The following SUPT3H variants were observed in gnomAD, a reference collection of about 807,000 sequenced individuals.
The protein encoded by SUPT3H is transcription initiation protein SPT3 homolog.
A neutral mutation model predicts 44.3 loss-of-function variants in SUPT3H; 44 were observed. The ratio of observed to expected loss-of-function variants is 0.99; its 90% confidence interval spans 0.78 to 1.28. SUPT3H has a LOEUF of 1.28. Among genes scored for constraint, SUPT3H ranks in the 50% most tolerant of loss-of-function variants. The pLI, the probability that SUPT3H is intolerant of heterozygous loss-of-function variation, is 0.00. For missense variants in SUPT3H, 380 were observed against 387.1 expected (o/e 0.98, Z 0.15); for synonymous variants, 124 against 125.6 (o/e 0.99, Z 0.09).
intron 2 of SUPT3H, among the ~76,000 whole-genome samples, chr6:45,346,567 C>CTTTTTTT (rs71745024): frequency 5.7e-5 from 8 of 140,426 alleles, no homozygotes; most frequent in Non-Finnish European, 9.2e-5. Flanking sequence ...ATAAACATTT[C>CTTTTTTT]TTTTTTTTTT....
chr6:45,199,109 A>G (rs1461017405), intron 2 of SUPT3H, among the ~76,000 whole-genome samples: 1 of 151,308 alleles, frequency 6.6e-6, no homozygotes, highest in African/African-American at 2.4e-5. Flanking sequence ...AATGCATACA[A>G]TTTTATATTT....
chr6:45,348,933 A>T (rs1791478080), intron 2 of SUPT3H, among the ~76,000 whole-genome samples: 1 of 152,106 alleles, frequency 6.6e-6, no homozygotes, highest in East Asian at 1.9e-4. Context: ...CCTTATCACA[A>T]TTTATAATTA....
chr6:45,261,165 T>C (rs1445598628), intron 2 of SUPT3H, among the ~76,000 whole-genome samples: 2 of 152,040 alleles, frequency 1.3e-5, no homozygotes, highest in Non-Finnish European at 2.9e-5. Context: ...CCAATCCTAG[T>C]GAAATTATTC....
chr6:45,112,768 A>G (rs918982496), intron 2 of SUPT3H, among the ~76,000 whole-genome samples: 165 of 152,328 alleles, frequency 1.1e-3, no homozygotes, highest in Non-Finnish European at 1.6e-4. Context: ...CAAGGCCTAC[A>G]AGCAGATCTA....
At chr6:45,178,782 C>T (rs1812526008) in intron 2 of SUPT3H, among the ~76,000 whole-genome samples, 1 of 152,120 alleles carries the variant, frequency 6.6e-6, no homozygotes, top group African/African-American at 2.4e-5. Context: ...CGCTCAAGTA[C>T]ATGGAAACTG....
intron 8 of SUPT3H, 113 bp from the exon 9 acceptor site, chr6:44,953,530 A>G: frequency 1.3e-6 from 1 of 780,142 alleles, no homozygotes; most frequent in African/African-American, 1.7e-5. Context: ...CTGCTTGCCT[A>G]AAAATCTATA....
intron 6 of SUPT3H, among the ~76,000 whole-genome samples, chr6:44,964,703 A>C (rs533891874): frequency 6.6e-6 from 1 of 152,250 alleles, no homozygotes; most frequent in East Asian, 1.9e-4. Flanking sequence ...GTAAACTTTG[A>C]TCTGAGGAGC....
intron 3 of SUPT3H, among the ~76,000 whole-genome samples, chr6:45,061,359 A>T (rs1035926782): frequency 1.3e-5 from 2 of 152,116 alleles, no homozygotes; most frequent in Admixed American, 1.3e-4. Context: ...GCTAACCAAA[A>T]ACTGCATGTT....
intron 10 of SUPT3H, among the ~76,000 whole-genome samples, chr6:44,905,196 T>C (rs1445824976): frequency 6.6e-6 from 1 of 152,072 alleles, no homozygotes; most frequent in African/African-American, 2.4e-5. Flanking sequence ...AAAGAGCTTC[T>C]GCACAGCAAA....
At chr6:45,200,646 C>G (rs2153625612) in intron 2 of SUPT3H, among the ~76,000 whole-genome samples, 1 of 151,456 alleles carries the variant, frequency 6.6e-6, no homozygotes, top group African/African-American at 2.4e-5. Context: ...AAAAATGAAG[C>G]TCATAGGGGT....
chr6:44,814,371 A>G (rs482878), intron 11 of SUPT3H, among the ~76,000 whole-genome samples: 1 of 152,192 alleles, frequency 6.6e-6, no homozygotes, highest in South Asian at 2.1e-4. Context: ...CAGGGTGCCC[A>G]GCAGAGGAGC....
At chr6:44,831,120 C>G (rs972946482) in intron 10 of SUPT3H, among the ~76,000 whole-genome samples, 2 of 152,018 alleles carry the variant, frequency 1.3e-5, no homozygotes, top group Non-Finnish European at 1.5e-5. Flanking sequence ...ACCTTCTCTC[C>G]AAATATCCTG....
chr6:45,252,883 G>A (rs1315243644), intron 2 of SUPT3H, among the ~76,000 whole-genome samples: 1 of 151,996 alleles, frequency 6.6e-6, no homozygotes, highest in African/African-American at 2.4e-5. Context: ...GCATTCCTAT[G>A]GATTATTCCT....
chr6:45,053,740 C>CAAAAAAAAAAAAA (rs57736879), intron 3 of SUPT3H, among the ~76,000 whole-genome samples: 1 of 59,444 alleles, frequency 1.7e-5, no homozygotes, highest in Non-Finnish European at 3.1e-5. Context: ...ACTAAAAATA[C>CAAAAAAAAAAAAA]AAAAAAAAAA....
chr6:45,019,270 CA>C (rs961411820), intron 4 of SUPT3H, among the ~76,000 whole-genome samples: 18 of 151,966 alleles, frequency 1.2e-4, no homozygotes, highest in African/African-American at 4.3e-4. Context: ...AGCGGTCTAT[CA>C]GTTTTGTTGA....
At chr6:45,150,012 T>C (rs980477915) in intron 2 of SUPT3H, among the ~76,000 whole-genome samples, 1 of 151,942 alleles carries the variant, frequency 6.6e-6, no homozygotes, top group Non-Finnish European at 1.5e-5. Flanking sequence ...TGAATCTGAA[T>C]ATTTGAAATT....
chr6:44,908,172 G>A (rs1490218510), intron 10 of SUPT3H, among the ~76,000 whole-genome samples: 1 of 135,950 alleles, frequency 7.4e-6, no homozygotes. Context: ...TTTTTTTTGA[G>A]ATGGAGTCTC....
At chr6:45,178,658 G>C (rs1052603306) in intron 2 of SUPT3H, among the ~76,000 whole-genome samples, 2 of 151,978 alleles carry the variant, frequency 1.3e-5, no homozygotes, top group East Asian at 1.9e-4. Context: ...TGACCACATA[G>C]TTGGAAGTAA....
chr6:45,123,922 T>G (rs1241779541), intron 2 of SUPT3H, among the ~76,000 whole-genome samples: 1 of 152,192 alleles, frequency 6.6e-6, no homozygotes, highest in Non-Finnish European at 1.5e-5. Flanking sequence ...ACTACTCATC[T>G]TTTGTTTTTT....
Sources: allele counts gnomAD v4.1 joint callset (sites outside exome capture counted in the v4.1 genomes callset), GRCh38; gene constraint gnomAD v4.1.1; transcripts MANE v1.5; gene names NCBI Gene and HGNC (gene_info 2026-07-23, HGNC 2026-07-21).